The following NBAS variants were observed in gnomAD, a reference collection of about 807,000 sequenced individuals.
NBAS encodes the protein NBAS subunit of NRZ tethering complex.
NBAS carries 219 observed loss-of-function variants against 302.5 expected under a neutral mutation model. The ratio of observed to expected loss-of-function variants is 0.72; its 90% CI spans 0.65 to 0.81. NBAS has a LOEUF of 0.81. Ranked by LOEUF, NBAS falls within the 30% of genes least tolerant of loss-of-function variation. The probability of loss-of-function intolerance (pLI) is 0.00; values close to 1 mark genes in which losing one functional copy is unlikely to be tolerated. For missense variants in NBAS, 2,932 were observed against 2,841.6 expected (o/e 1.03, Z -0.72); for synonymous variants, 1,118 against 1,021.6 (o/e 1.09, Z -1.80).
chr2:15,098,588 T>TTG, the NBAS span, among the ~76,000 whole-genome samples: 141 of 119,782 alleles, frequency 1.2e-3, 9 homozygotes, highest in East Asian at 0.029. Context: ...GTATTATATA[T>TTG]TATATATATT....
intron 48 of NBAS, among the ~76,000 whole-genome samples, chr2:15,202,414 T>C (rs928524075): frequency 6.6e-6 from 1 of 152,226 alleles, no homozygotes; most frequent in African/African-American, 2.4e-5. Flanking sequence ...AAATATTTTG[T>C]GTTAAAATAA....
intron 35 of NBAS, among the ~76,000 whole-genome samples, chr2:15,345,350 C>G (rs1227047456): frequency 6.6e-6 from 1 of 152,090 alleles, no homozygotes; most frequent in Non-Finnish European, 1.5e-5. Context: ...CACAAGCATT[C>G]CTTTATGCCT....
At chr2:15,056,886 T>C in the NBAS span, among the ~76,000 whole-genome samples, 1 of 149,628 alleles carries the variant, frequency 6.7e-6, no homozygotes, top group African/African-American at 2.5e-5. Context: ...TGGAGTGCAG[T>C]GGTGCGATCT....
At chr2:15,434,325 A>G (rs1407780316) in intron 21 of NBAS, among the ~76,000 whole-genome samples, 1 of 152,166 alleles carries the variant, frequency 6.6e-6, no homozygotes, top group Non-Finnish European at 1.5e-5. Context: ...CTGGTATGAA[A>G]ACTGACCTCC....
rs375026301 is a variant in NBAS, at chr2:15,427,831, A to G, written c.2340-37T>C. Reference sequence around the variant, plus strand: ...AAAAAAATAAGTGTTTAAAATTCACATTACCTCAATGACTTAGCCACACAA... The same window carrying G: ...AAAAAAATAAGTGTTTAAAATTCACGTTACCTCAATGACTTAGCCACACAA... On this transcript the variant is annotated intron_variant, in intron 21 of 51. Transcript: ENST00000281513. The G allele has an allele frequency of 4.0e-6, 6 of 1,487,382 alleles. No homozygotes were observed. The African/African-American group carries it at 6.9e-5, about 17-fold the overall frequency. 92.1% of individuals were successfully genotyped at this position (1,487,382 alleles called of 1,614,324 possible).
At chr2:15,287,955 A>G (rs766044364) in intron 41 of NBAS, among the ~76,000 whole-genome samples, 1 of 151,022 alleles carries the variant, frequency 6.6e-6, no homozygotes, top group Non-Finnish European at 1.5e-5. Context: ...CCATGGAGGT[A>G]GCCCGAGCAC....
chr2:15,034,036 G>T, the NBAS span, among the ~76,000 whole-genome samples: 2 of 72,960 alleles, frequency 2.7e-5, no homozygotes, highest in African/African-American at 1.3e-4. Context: ...AGAGGAGGAG[G>T]AAGGAGGAGG....
chr2:15,093,895 C>T, the NBAS span, among the ~76,000 whole-genome samples: 2 of 151,996 alleles, frequency 1.3e-5, no homozygotes, highest in Non-Finnish European at 2.9e-5. Flanking sequence ...TACACTGCTC[C>T]TATAATACAA....
the NBAS span, among the ~76,000 whole-genome samples, chr2:15,128,452 A>G: frequency 1.3e-5 from 2 of 152,218 alleles, no homozygotes; most frequent in Non-Finnish European, 2.9e-5. Context: ...AGCAATCACA[A>G]GATATTCACA....
intron 42 of NBAS, among the ~76,000 whole-genome samples, chr2:15,286,298 T>G (rs1670040063): frequency 6.6e-6 from 1 of 152,212 alleles, no homozygotes; most frequent in Non-Finnish European, 1.5e-5. Flanking sequence ...TCCTAACATC[T>G]TTCAACACAG....
At position 15,356,368 on chromosome 2, in the gene NBAS, T is replaced by C; in HGVS notation, c.3866A>G (p.Glu1289Gly). The C allele has an allele frequency of 2.5e-6, 4 of 1,613,926 alleles. No individual in the cohort carries two copies. Among genetic ancestry groups the C allele is most frequent in the Non-Finnish European group, 3.4e-6 (4 of 1,179,850 alleles). Residue 1289 changes from glutamate to glycine, a missense_variant, in exon 33 of 52, where the codon GAG (glutamate) becomes GGG (glycine). Glu to Gly is a moderately conservative substitution (Grantham distance 98). Transcript: ENST00000281513. ...GTAGTCATGGAAGCGAAGTGCCTGC[T>C]CCACTAAAAGGATTAGAACCTGTCC... ...RRGQVLILLV[E>G]QALRFHDYKA...
intron 44 of NBAS, among the ~76,000 whole-genome samples, chr2:15,249,337 G>A (rs1218375564): frequency 2.6e-5 from 4 of 152,242 alleles, no homozygotes; most frequent in African/African-American, 9.6e-5. Context: ...AGCTATTTAT[G>A]ACAAACCCAC....
the NBAS span, among the ~76,000 whole-genome samples, chr2:14,880,602 A>G: frequency 2.0e-5 from 3 of 152,034 alleles, no homozygotes; most frequent in Admixed American, 2.0e-4. Flanking sequence ...CTGAAACTAT[A>G]AAAAGAAACA....
the NBAS span, among the ~76,000 whole-genome samples, chr2:15,092,228 A>T: frequency 6.6e-6 from 1 of 152,224 alleles, no homozygotes; most frequent in Non-Finnish European, 1.5e-5. Context: ...AAAAGAAGGT[A>T]CACTTTCAAG....
chr2:15,159,803 G>GCACA, the NBAS span, among the ~76,000 whole-genome samples: 2,817 of 147,372 alleles, frequency 0.019, 57 homozygotes, highest in African/African-American at 0.049. Context: ...ACACACGCGT[G>GCACA]CACACACACA....
intron 10 of NBAS, among the ~76,000 whole-genome samples, chr2:15,505,532 A>T (rs569011867): frequency 6.6e-6 from 1 of 152,290 alleles, no homozygotes; most frequent in East Asian, 1.9e-4. Flanking sequence ...ATAGACAACC[A>T]CAACATCAGA....
At chr2:14,965,453 C>T in the NBAS span, among the ~76,000 whole-genome samples, 59 of 152,260 alleles carry the variant, frequency 3.9e-4, no homozygotes, top group South Asian at 2.1e-3. Context: ...TTGAAAGACA[C>T]GCACTATCAA....
Position 15,186,696 on chromosome 2 carries a change from T to C in NBAS, c.6711+46A>G, listed in dbSNP as rs762363687. 9.3e-6 allele frequency: 15 copies of C among 1,613,126 alleles called. No individual in the cohort carries two copies. The East Asian group carries it at 3.3e-4, about 36-fold the overall frequency. On this transcript the variant is annotated intron_variant, in intron 50 of 51. Transcript: ENST00000281513. ...GATTGCTTACAATAAAGAGTTCTGATAAGCAAAGGCCACTCCTTAGGAAAG... is the reference window on the plus strand; with the variant it reads ...GATTGCTTACAATAAAGAGTTCTGACAAGCAAAGGCCACTCCTTAGGAAAG...
intron 41 of NBAS, among the ~76,000 whole-genome samples, 173 bp downstream of exon 41, chr2:15,292,364 C>A (rs1249800756): frequency 1.3e-5 from 2 of 152,136 alleles, no homozygotes; most frequent in African/African-American, 4.8e-5. Flanking sequence ...ATCTACTGAT[C>A]GGTTTGGAGA....
Sources: allele counts gnomAD v4.1 joint callset (sites outside exome capture counted in the v4.1 genomes callset), GRCh38; gene constraint gnomAD v4.1.1; transcripts MANE v1.5; gene names NCBI Gene and HGNC (gene_info 2026-07-23, HGNC 2026-07-21).